OR51B5: variants seen among roughly 807,000 people sequenced by gnomAD.
OR51B5 encodes olfactory receptor family 51 subfamily B member 5.
For synonymous variants in OR51B5, 186 were observed against 144.8 expected, an observed-to-expected ratio of 1.28 and a Z score of -2.04; for missense variants, 456 against 374.6, an observed-to-expected ratio of 1.22 and a Z score of -1.79.
At chr11:5,431,120 G>A (rs1205256475) in intron 1 of OR51B5, 13 of 414,008 alleles carry the variant, frequency 3.1e-5, no homozygotes, top group Non-Finnish European at 2.4e-5. Flanking sequence ...AAAAGGATTG[G>A]AAGTGGGGCC....
At chr11:5,504,213 T>G (rs948560563) in intron 1 of OR51B5, among the ~76,000 whole-genome samples, 2 of 152,138 alleles carry the variant, frequency 1.3e-5, no homozygotes, top group East Asian at 3.8e-4. Context: ...AAAAAAGAAA[T>G]AACACTGATG....
At position 5,454,680 on chromosome 11, in the gene OR51B5, TA is replaced by T. The variant is rs1850925183; in HGVS notation, n.84+50888del. On this transcript the variant is annotated intron_variant and non_coding_transcript_variant, in intron 1 of 4. Transcript: ENST00000415970. ...TTAGACAAGTTTTACAGAGGAAGAC[TA>T]ATTTAAGCTAGGAATTATTTTCTAT... The T allele has an allele frequency of 9.5e-6, 3 of 314,606 alleles. No homozygotes were observed. In the East Asian group the frequency reaches 1.6e-4, roughly 17 times the overall value. 19.5% of individuals were successfully genotyped at this position (314,606 alleles called of 1,614,324 possible).
chr11:5,371,196 A>C (rs890438571), intron 1 of OR51B5, among the ~76,000 whole-genome samples: 5 of 152,202 alleles, frequency 3.3e-5, no homozygotes, highest in African/African-American at 9.6e-5. Flanking sequence ...AATATTCTAG[A>C]AAGTCCATAG....
intron 1 of OR51B5, among the ~76,000 whole-genome samples, chr11:5,429,627 A>C (rs932150255): frequency 6.6e-6 from 1 of 152,168 alleles, no homozygotes; most frequent in Non-Finnish European, 1.5e-5. Flanking sequence ...AAACATGGGC[A>C]GATGCAGAGG....
At chr11:5,464,826 G>C (rs1346184156) in intron 1 of OR51B5, among the ~76,000 whole-genome samples, 1 of 152,034 alleles carries the variant, frequency 6.6e-6, no homozygotes, top group African/African-American at 2.4e-5. Context: ...TGGGTCAAAT[G>C]GTATTTCTAG....
At chr11:5,444,704 T>A (rs1462803493) in intron 1 of OR51B5, among the ~76,000 whole-genome samples, 1 of 152,180 alleles carries the variant, frequency 6.6e-6, no homozygotes. Flanking sequence ...TATAAATTTA[T>A]GAGCCCTCCA....
At chr11:5,474,048 C>T (rs1404311275) in intron 1 of OR51B5, among the ~76,000 whole-genome samples, 4 of 152,048 alleles carry the variant, frequency 2.6e-5, no homozygotes, top group Admixed American at 2.6e-4. Flanking sequence ...GATTCCCAAA[C>T]ATTTGAGATT....
At chr11:5,476,445 T>C (rs1048543400) in intron 1 of OR51B5, among the ~76,000 whole-genome samples, 1 of 152,200 alleles carries the variant, frequency 6.6e-6, no homozygotes, top group African/African-American at 2.4e-5. Context: ...GTTTGTATCA[T>C]ACTCCAAGGA....
chr11:5,344,913 G>A (rs189120687), upstream of OR51B5, among the ~76,000 whole-genome samples: 5 of 152,088 alleles, frequency 3.3e-5, no homozygotes, highest in Non-Finnish European at 5.9e-5. Flanking sequence ...GCAGTTTGAG[G>A]GGCCTAGAAC....
intron 1 of OR51B5, among the ~76,000 whole-genome samples, chr11:5,448,596 AG>A (rs1413207077): frequency 6.6e-6 from 1 of 152,212 alleles, no homozygotes; most frequent in East Asian, 1.9e-4. Flanking sequence ...GTGGAGAACA[AG>A]TAAAAAATGA....
intron 1 of OR51B5, among the ~76,000 whole-genome samples, chr11:5,413,989 T>A (rs4910562): frequency 0.82 from 114,363 of 140,132 alleles, 47,587 homozygotes; most frequent in Non-Finnish European, 0.89. Flanking sequence ...TGTCAGATTC[T>A]CCAAAGTTGA....
At chr11:5,495,832 A>G (rs1851642736) in intron 1 of OR51B5, among the ~76,000 whole-genome samples, 1 of 152,236 alleles carries the variant, frequency 6.6e-6, no homozygotes, top group Admixed American at 6.5e-5. Context: ...TACCGCCTGC[A>G]AAAGACTCAC....
upstream of OR51B5, chr11:5,346,949 T>C (rs751668097): frequency 3.3e-5 from 5 of 152,218 alleles, no homozygotes; most frequent in Non-Finnish European, 7.3e-5. Context: ...TTAATAAAGA[T>C]AGCACCTTCC....
intron 1 of OR51B5, among the ~76,000 whole-genome samples, chr11:5,478,293 T>C (rs962772898): frequency 8.6e-5 from 13 of 152,028 alleles, no homozygotes; most frequent in African/African-American, 2.4e-4. Flanking sequence ...GACTTGCAGC[T>C]GAGGGTCCTG....
chr11:5,420,782 A>G (rs1053888432), intron 1 of OR51B5, among the ~76,000 whole-genome samples: 25 of 152,238 alleles, frequency 1.6e-4, no homozygotes, highest in Admixed American at 3.9e-4. Context: ...ATGAACCACC[A>G]AATAGCTAAC....
chr11:5,360,583 C>A lies in OR51B5; in HGVS notation n.85-13673G>T, dbSNP rs554482500. Among the ~76,000 whole-genome samples the A allele has an allele frequency of 5.2e-3, 794 of 152,122 alleles. 8 individuals carry two copies. Among genetic ancestry groups the A allele is most frequent in the African/African-American group, 0.018 (741 of 41,488 alleles). On this transcript the variant is annotated intron_variant and non_coding_transcript_variant, in intron 1 of 4. Coordinates refer to the OR51B5 transcript ENST00000415970. The stretch of plus-strand genomic sequence containing the variant: ...TCAACCATTGTGGAAGTCAGTGTGG[C>A]GATTCCTCAGGGATCTAGAACTAGA...
chr11:5,500,984 G>C (rs998712098), intron 1 of OR51B5, among the ~76,000 whole-genome samples: 13 of 148,228 alleles, frequency 8.8e-5, no homozygotes, highest in African/African-American at 3.2e-4. Context: ...CCCTTGATTG[G>C]CAAACTTGTC....
chr11:5,377,005 CAAA>C (rs1014815490), intron 1 of OR51B5, among the ~76,000 whole-genome samples: 1 of 151,866 alleles, frequency 6.6e-6, no homozygotes, highest in South Asian at 2.1e-4. Context: ...GAGACACAAC[CAAA>C]AAAGAGAATT....
rs149640634 is a variant in OR51B5 at position 5,501,074 on chromosome 11, TATA to T, written n.84+4492_84+4494del. On this transcript the variant is annotated intron_variant and non_coding_transcript_variant, in intron 1 of 4. Transcript: ENST00000415970. ...TGGGCAGCCCTGAGTTTGGGGAAAT[TATA>T]ATAAGGCATTTCTTGCAGAGTCTAG... 8.2e-4 allele frequency among the ~76,000 whole-genome samples: 121 copies of T among 148,098 alleles called. 2 individuals are homozygous for T. The highest frequency in any genetic ancestry group is 2.5e-3 in the African/African-American group (105 of 41,286).
Sources: gnomAD v4.1 joint callset for allele counts (sites outside exome capture counted in the v4.1 genomes callset) on GRCh38, gnomAD v4.1.1 for gene constraint, MANE v1.5 for transcripts, NCBI Gene and HGNC (gene_info 2026-07-23, HGNC 2026-07-21) for gene names.